The following RNF182 variants were observed in gnomAD, a reference collection of about 807,000 sequenced individuals.
The protein encoded by RNF182 is E3 ubiquitin-protein ligase RNF182.
In RNF182, 15 loss-of-function variants were observed where a neutral mutation model predicts 14.4. The observed-to-expected ratio is 1.04, with a 90% CI of 0.70 to 1.60. RNF182 has a LOEUF of 1.60. Ranked by LOEUF, RNF182 falls within the 40% of genes most tolerant of loss-of-function variation. The probability of loss-of-function intolerance (pLI) is 0.00; values close to 1 mark genes in which losing one functional copy is unlikely to be tolerated. For synonymous variants in RNF182, 128 were observed against 122.9 expected, an observed-to-expected ratio of 1.04 and a Z score of -0.27; for missense variants, 268 against 294.8, an observed-to-expected ratio of 0.91 and a Z score of 0.67.
chr6:13,931,816 A>G (rs940661446), intron 1 of RNF182, among the ~76,000 whole-genome samples: 2 of 151,946 alleles, frequency 1.3e-5, no homozygotes, highest in African/African-American at 2.4e-5. Flanking sequence ...CTCCAAATTC[A>G]TATGTTGAAA....
chr6:13,969,770 AT>A (rs1760128763), intron 1 of RNF182, among the ~76,000 whole-genome samples: 1 of 152,144 alleles, frequency 6.6e-6, no homozygotes, highest in Non-Finnish European at 1.5e-5. Flanking sequence ...GTAATTATTT[AT>A]TTGTATAGTC....
In RNF182 at chr6:13,969,267, C is replaced by T. The variant is rs12333223; in HGVS notation, c.-366-4943C>T. Among the ~76,000 whole-genome samples the T allele has an allele frequency of 7.6e-3, 1,150 of 152,228 alleles. 13 individuals carry two copies. Among genetic ancestry groups the T allele is most frequent in the African/African-American group, 0.027 (1,108 of 41,524 alleles). On this transcript the variant is annotated intron_variant, in intron 1 of 2. Coordinates refer to ENST00000488300, the MANE Select transcript of RNF182 (RefSeq NM_152737.4). ...CTGTATCCCTTCCCCTGGTCCCTGT[C>T]CTGTCCTGTCTTGTCCCTAGCTTCA...
chr6:13,959,576 G>A (rs1269302233), intron 1 of RNF182, among the ~76,000 whole-genome samples: 2 of 152,204 alleles, frequency 1.3e-5, no homozygotes, highest in Non-Finnish European at 2.9e-5. Context: ...TTAGGATGTT[G>A]ATGATGAAGA....
chr6:13,944,570 T>C (rs1759388162), intron 1 of RNF182, among the ~76,000 whole-genome samples: 1 of 152,190 alleles, frequency 6.6e-6, no homozygotes, highest in Non-Finnish European at 1.5e-5. Context: ...AGGTAATTTA[T>C]GCATGGAAAT....
intron 1 of RNF182, among the ~76,000 whole-genome samples, chr6:13,966,384 A>G (rs1200552400): frequency 2.0e-5 from 3 of 152,222 alleles, no homozygotes; most frequent in Non-Finnish European, 4.4e-5. Flanking sequence ...CAGCCTTTAC[A>G]TTAAAGGTGA....
intron 1 of RNF182, among the ~76,000 whole-genome samples, chr6:13,960,039 A>G (rs981368470): frequency 6.6e-6 from 1 of 152,248 alleles, no homozygotes; most frequent in African/African-American, 2.4e-5. Flanking sequence ...AATAGTGATC[A>G]GTGAACTAGG....
At chr6:13,964,502 A>G (rs1237682595) in intron 1 of RNF182, among the ~76,000 whole-genome samples, 2 of 152,182 alleles carry the variant, frequency 1.3e-5, no homozygotes, top group Non-Finnish European at 1.5e-5. Context: ...AAAGATAGCA[A>G]GCTAAAGTGG....
chr6:13,938,806 G>T (rs1759208924), intron 1 of RNF182, among the ~76,000 whole-genome samples: 1 of 152,144 alleles, frequency 6.6e-6, no homozygotes, highest in Non-Finnish European at 1.5e-5. Flanking sequence ...TGATGTATTT[G>T]TCTAATAAAG....
chr6:13,925,017 C>T lies in RNF182; in HGVS notation c.-373C>T, dbSNP rs1758778434. On this transcript the variant is annotated 5_prime_UTR_variant, in exon 1 of 3. Coordinates refer to ENST00000488300, the MANE Select transcript of RNF182 (RefSeq NM_152737.4). Reference sequence around the variant, plus strand: ...CGGCTCCCGGGCCCTGGGCCGCCGCCGGCCAGGTAAGGCGATCGCGCCCGC... The same window carrying T: ...CGGCTCCCGGGCCCTGGGCCGCCGCTGGCCAGGTAAGGCGATCGCGCCCGC... 1 of 3,752 alleles carries T rather than the reference C, an allele frequency of 2.7e-4. No individual in the cohort carries two copies. Among genetic ancestry groups the T allele is most frequent in the Non-Finnish European group, 5.9e-4 (1 of 1,702 alleles). The allele number at this position is 3,752 out of a possible 1,614,324, so 0.2% of individuals were successfully genotyped here.
In RNF182 at chr6:13,940,949, CT is replaced by C. The variant is rs977210976; in HGVS notation, c.-367+15935del. On this transcript the variant is annotated intron_variant, in intron 1 of 2. Transcript: ENST00000488300. The stretch of plus-strand genomic sequence containing the variant: ...AAGAACACGCTATTAACATTTTAGT[CT>C]TTTTTTTTGAGACTATTCTTATGGC... 2.0e-5 allele frequency among the ~76,000 whole-genome samples: 3 copies of C among 151,090 alleles called. No individual in the cohort carries two copies. In the East Asian group the frequency reaches 5.8e-4, roughly 29 times the overall value.
At chr6:13,938,956 G>A (rs569271868) in intron 1 of RNF182, among the ~76,000 whole-genome samples, 52 of 152,088 alleles carry the variant, frequency 3.4e-4, no homozygotes, top group South Asian at 1.9e-3. Flanking sequence ...GGTGGTTCAC[G>A]CCTGTAATCC....
intron 1 of RNF182, among the ~76,000 whole-genome samples, chr6:13,943,776 G>A (rs1030463152): frequency 1.3e-5 from 2 of 152,190 alleles, no homozygotes; most frequent in African/African-American, 4.8e-5. Context: ...CAGTAGGGGA[G>A]AGACCTCAGT....
In RNF182 at chr6:13,977,096, A is replaced by G. The variant is rs191311892; in HGVS notation, c.-24A>G. 3.5e-4 allele frequency: 551 copies of G among 1,592,296 alleles called. No individual in the cohort carries two copies. The African/African-American group carries it at 6.2e-3, about 18-fold the overall frequency. On this transcript the variant is annotated 5_prime_UTR_variant, in exon 3 of 3. Coordinates refer to ENST00000488300, the MANE Select transcript of RNF182 (RefSeq NM_152737.4). ...CATTCTTCAACAAGACCCACCTGGC[A>G]TAAGATTGCACACATAATTCAAGAT...
chr6:13,977,077 T>C lies in RNF182; in HGVS notation c.-43T>C. 1 of 1,565,200 alleles carries C rather than the reference T, an allele frequency of 6.4e-7. No individual in the cohort carries two copies. Among genetic ancestry groups the C allele is most frequent in the South Asian group, 1.2e-5 (1 of 83,196 alleles). ...GGGGCACCTTAATCAAAGCCATTCTTCAACAAGACCCACCTGGCATAAGAT... is the reference window on the plus strand; with the variant it reads ...GGGGCACCTTAATCAAAGCCATTCTCCAACAAGACCCACCTGGCATAAGAT... On this transcript the variant is annotated 5_prime_UTR_variant, in exon 3 of 3. Transcript: ENST00000488300.
intron 1 of RNF182, among the ~76,000 whole-genome samples, chr6:13,966,013 C>T (rs956900572): frequency 6.6e-6 from 1 of 152,124 alleles, no homozygotes; most frequent in Non-Finnish European, 1.5e-5. Flanking sequence ...AAGTACTCTC[C>T]TGAGGACGGA....
intron 1 of RNF182, among the ~76,000 whole-genome samples, chr6:13,952,253 A>T (rs1759614177): frequency 6.6e-6 from 1 of 152,150 alleles, no homozygotes; most frequent in Non-Finnish European, 1.5e-5. Context: ...TTGTGAAGAG[A>T]TCTTCTCCAG....
intron 1 of RNF182, among the ~76,000 whole-genome samples, chr6:13,964,602 AC>A (rs1365667860): frequency 6.6e-6 from 1 of 152,024 alleles, no homozygotes; most frequent in Non-Finnish European, 1.5e-5. Context: ...TGCAAGTGAA[AC>A]CCCAAGCTTT....
At chr6:13,960,686 T>C (rs369694491) in intron 1 of RNF182, among the ~76,000 whole-genome samples, 1,884 of 104,988 alleles carry the variant, frequency 0.018, 34 homozygotes, top group African/African-American at 0.047. Flanking sequence ...TGTGTGTGTG[T>C]GTGTGTGCGC....
intron 1 of RNF182, among the ~76,000 whole-genome samples, chr6:13,956,131 C>G (rs1002439102): frequency 5.9e-5 from 9 of 152,080 alleles, no homozygotes; most frequent in African/African-American, 1.9e-4. Context: ...TTCATTCTTG[C>G]TTAGGGCTGA....
Sources: gnomAD v4.1 joint callset for allele counts (sites outside exome capture counted in the v4.1 genomes callset) on GRCh38, gnomAD v4.1.1 for gene constraint, MANE v1.5 for transcripts, NCBI Gene and HGNC (gene_info 2026-07-23, HGNC 2026-07-21) for gene names.